The following STXBP5 variants were observed in gnomAD, a reference collection of about 807,000 sequenced individuals.
STXBP5 encodes the protein syntaxin-binding protein 5.
STXBP5 carries 50 observed loss-of-function variants against 152.4 expected under a neutral mutation model. The ratio of observed to expected loss-of-function variants is 0.33; its 90% CI spans 0.26 to 0.42. The LOEUF (loss-of-function observed/expected upper bound fraction) is 0.42. STXBP5 is among the 10% of genes least tolerant of loss of function. The probability of loss-of-function intolerance (pLI) is 1.00; values close to 1 mark genes in which losing one functional copy is unlikely to be tolerated. For synonymous variants in STXBP5, 492 were observed against 494.7 expected, an observed-to-expected ratio of 0.99 and a Z score of 0.07; for missense variants, 1,167 against 1,388.6, an observed-to-expected ratio of 0.84 and a Z score of 2.54.
intron 2 of STXBP5, among the ~76,000 whole-genome samples, chr6:147,215,356 CT>C (rs1375453544): frequency 1.3e-5 from 2 of 152,102 alleles, no homozygotes; most frequent in East Asian, 3.8e-4. Context: ...AAATAAGAGT[CT>C]TAAAAAGAAT....
At chr6:147,301,407 A>T (rs1269701466) in intron 9 of STXBP5, among the ~76,000 whole-genome samples, 1 of 152,206 alleles carries the variant, frequency 6.6e-6, no homozygotes, top group East Asian at 1.9e-4. Context: ...GTCCACAGGC[A>T]TATATGTATG....
At chr6:147,371,908 G>A (rs184376393) in intron 25 of STXBP5, among the ~76,000 whole-genome samples, 8 of 152,034 alleles carry the variant, frequency 5.3e-5, no homozygotes, top group African/African-American at 1.7e-4. Context: ...TCTTTTTTAC[G>A]TTGTAACAAT....
At chr6:147,270,481 A>G (rs1192166010) in intron 7 of STXBP5, among the ~76,000 whole-genome samples, 1 of 151,978 alleles carries the variant, frequency 6.6e-6, no homozygotes, top group Non-Finnish European at 1.5e-5. Context: ...CCACCTTCAC[A>G]GTACTGAAAG....
intron 18 of STXBP5, among the ~76,000 whole-genome samples, chr6:147,329,305 C>G (rs1783432449): frequency 6.7e-6 from 1 of 148,616 alleles, no homozygotes; most frequent in African/African-American, 2.4e-5. Flanking sequence ...TATTTAGGCA[C>G]AGGAGAACTA....
At chr6:147,349,941 G>A (rs979662713) in intron 21 of STXBP5, among the ~76,000 whole-genome samples, 1 of 152,146 alleles carries the variant, frequency 6.6e-6, no homozygotes, top group South Asian at 2.1e-4. Context: ...CATTCAAGGA[G>A]ATTGCTTAAA....
At chr6:147,279,476 T>G (rs939844389) in intron 8 of STXBP5, among the ~76,000 whole-genome samples, 1 of 152,170 alleles carries the variant, frequency 6.6e-6, no homozygotes, top group Admixed American at 6.5e-5. Flanking sequence ...TACTGCAATA[T>G]AGAAATGAAA....
At chr6:147,241,006 A>G (rs1213106821) in intron 4 of STXBP5, among the ~76,000 whole-genome samples, 2 of 152,188 alleles carry the variant, frequency 1.3e-5, no homozygotes, top group Non-Finnish European at 2.9e-5. Flanking sequence ...TTGTAGTCTT[A>G]GGTCTGTCTC....
Position 147,384,866 on chromosome 6 carries a change from T to G in STXBP5, c.*111T>G. 1.8e-6 allele frequency: 2 copies of G among 1,097,736 alleles called. No homozygotes were observed. Among genetic ancestry groups the G allele is most frequent in the Non-Finnish European group, 2.7e-6 (2 of 731,420 alleles). 68.0% of individuals were successfully genotyped at this position (1,097,736 alleles called of 1,614,324 possible). A position where few individuals can be genotyped will look rare whatever the true frequency, so the allele number is the denominator to read the frequency against. ...AGGGATGTTCGTCACTGAATACTGT[T>G]CTTTCCTAGCACAGTCATGCACTGT... is the stretch of plus-strand genomic sequence containing the variant. On this transcript the variant is annotated 3_prime_UTR_variant, in exon 28 of 28. Transcript: ENST00000321680.
chr6:147,215,690 A>T (rs370619744), intron 2 of STXBP5, among the ~76,000 whole-genome samples: 1 of 152,198 alleles, frequency 6.6e-6, no homozygotes, highest in East Asian at 1.9e-4. Flanking sequence ...CCAATTTTTT[A>T]ATCAGTAATT....
intron 2 of STXBP5, among the ~76,000 whole-genome samples, chr6:147,207,569 G>T (rs1239258146): frequency 2.0e-5 from 3 of 152,186 alleles, no homozygotes; most frequent in African/African-American, 7.2e-5. Flanking sequence ...AGACGGGAAT[G>T]AAGTTATTTT....
rs1786537873 is a variant in STXBP5, at chr6:147,390,457, T to A, written c.*5702T>A. ...GATTGGGCAAAATAAAATACTCTAA[T>A]CTCTCCTGAAACTAAACAAGCCCTT... On this transcript the variant is annotated 3_prime_UTR_variant, in exon 28 of 28. Transcript: ENST00000321680. The A allele has an allele frequency of 6.6e-6, 1 of 152,000 alleles. No homozygotes were observed. The highest frequency in any genetic ancestry group is 1.5e-5 in the Non-Finnish European group (1 of 67,952). 9.4% of individuals were successfully genotyped at this position (152,000 alleles called of 1,614,324 possible).
rs5880705 is a variant in STXBP5 at position 147,314,182 on chromosome 6, T to TACACACAC, written c.1294-61_1294-54dup. The TACACACAC allele has an allele frequency of 3.2e-3, 3,018 of 945,294 alleles. 36 individuals carry two copies. The African/African-American group carries it at 0.042, about 13-fold the overall frequency. 58.6% of individuals were successfully genotyped at this position (945,294 alleles called of 1,614,324 possible). On this transcript the variant is annotated intron_variant, in intron 12 of 27. Coordinates refer to ENST00000321680, the MANE Select transcript of STXBP5 (RefSeq NM_001127715.4). The stretch of plus-strand genomic sequence containing the variant: ...AAAATATGTTTTTCACTGGATTATT[T>TACACACAC]ACACACACACACACACACACACACA...
At chr6:147,377,477 G>A (rs1785864531) in intron 26 of STXBP5, among the ~76,000 whole-genome samples, 1 of 152,170 alleles carries the variant, frequency 6.6e-6, no homozygotes, top group Admixed American at 6.6e-5. Context: ...TCTTAGTTCA[G>A]GCTGCTATAT....
chr6:147,275,920 A>G (rs1780422909), intron 7 of STXBP5, among the ~76,000 whole-genome samples: 1 of 152,066 alleles, frequency 6.6e-6, no homozygotes, highest in Non-Finnish European at 1.5e-5. Context: ...AAAACAGATA[A>G]GCCAATTCAC....
intron 2 of STXBP5, among the ~76,000 whole-genome samples, chr6:147,206,682 T>C (rs1392492621): frequency 6.6e-6 from 1 of 152,188 alleles, no homozygotes; most frequent in East Asian, 1.9e-4. Flanking sequence ...CTACATTTGT[T>C]ATGTATTTGT....
In STXBP5 at chr6:147,388,770, GCTGTTGGATGCCTAC is replaced by G. The variant is rs1786457259; in HGVS notation, c.*4018_*4032del. On this transcript the variant is annotated 3_prime_UTR_variant, in exon 28 of 28. Coordinates refer to ENST00000321680, the MANE Select transcript of STXBP5 (RefSeq NM_001127715.4). ...AGATCTTTCTCAATAGCTTCAGTTT[GCTGTTGGATGCCTAC>G]CTTAACTATTGTTTTAAAATATAGA... 1 of 150,618 alleles carries G rather than the reference GCTGTTGGATGCCTAC, an allele frequency of 6.6e-6. No individual in the cohort carries two copies. Among genetic ancestry groups the G allele is most frequent in the African/African-American group, 2.4e-5 (1 of 41,232 alleles). 9.3% of individuals were successfully genotyped at this position (150,618 alleles called of 1,614,324 possible).
At chr6:147,282,181 A>G (rs987829831) in intron 8 of STXBP5, among the ~76,000 whole-genome samples, 2 of 152,202 alleles carry the variant, frequency 1.3e-5, no homozygotes, top group Non-Finnish European at 2.9e-5. Context: ...CCCCCAAAAT[A>G]TATTCCACAA....
intron 11 of STXBP5, among the ~76,000 whole-genome samples, chr6:147,313,242 G>A (rs1237951403): frequency 6.6e-6 from 1 of 151,806 alleles, no homozygotes; most frequent in Non-Finnish European, 1.5e-5. Flanking sequence ...GCCAGTTTCT[G>A]GTTTTCCAGA....
At chr6:147,332,850 AT>A (rs1783644866) in intron 18 of STXBP5, among the ~76,000 whole-genome samples, 1 of 152,190 alleles carries the variant, frequency 6.6e-6, no homozygotes, top group Non-Finnish European at 1.5e-5. Flanking sequence ...CTTTTTAAGA[AT>A]GATAACTATA....
Sources: gnomAD v4.1 joint callset for allele counts (sites outside exome capture counted in the v4.1 genomes callset) on GRCh38, gnomAD v4.1.1 for gene constraint, MANE v1.5 for transcripts, NCBI Gene and HGNC (gene_info 2026-07-23, HGNC 2026-07-21) for gene names.